Variants in KLHL29 observed in about 807,000 individuals in gnomAD.
KLHL29 encodes the protein kelch-like protein 29.
In KLHL29, 21 loss-of-function variants were observed where a neutral mutation model predicts 80.4. That is an observed-to-expected ratio of 0.26 (90% confidence interval 0.19 to 0.38). The LOEUF (loss-of-function observed/expected upper bound fraction) is 0.38. KLHL29 is among the 10% of genes least tolerant of loss of function. KLHL29 has a pLI of 1.00. For missense variants in KLHL29, 867 were observed against 1,223.9 expected, an observed-to-expected ratio of 0.71 and a Z score of 4.35; for synonymous variants, 511 against 526.8, an observed-to-expected ratio of 0.97 and a Z score of 0.41.
At chr2:23,533,466 G>A (rs1291977637) in intron 2 of KLHL29, among the ~76,000 whole-genome samples, 1 of 152,300 alleles carries the variant, frequency 6.6e-6, no homozygotes, top group African/African-American at 2.4e-5. Context: ...CAGAGAAAAC[G>A]TGAGCCTCTG....
chr2:23,587,076 A>G (rs543955780), intron 3 of KLHL29, among the ~76,000 whole-genome samples: 8 of 152,168 alleles, frequency 5.3e-5, no homozygotes, highest in Admixed American at 1.3e-4. Context: ...AGTAGGAAGA[A>G]CAGGCCTTTC....
intron 13 of KLHL29, 79 bp from the exon 14 acceptor site, chr2:23,706,402 G>C: frequency 8.5e-7 from 1 of 1,172,418 alleles, no homozygotes; most frequent in Non-Finnish European, 1.1e-6. Flanking sequence ...GCCTACAACA[G>C]GACACGACGT....
intron 3 of KLHL29, among the ~76,000 whole-genome samples, chr2:23,629,925 C>A (rs149596063): frequency 6.6e-6 from 1 of 152,064 alleles, no homozygotes; most frequent in Non-Finnish European, 1.5e-5. Flanking sequence ...AGAGGAGACA[C>A]CAGCGAACAG....
chr2:23,400,691 T>G (rs1666579688), intron 1 of KLHL29, among the ~76,000 whole-genome samples: 1 of 152,014 alleles, frequency 6.6e-6, no homozygotes, highest in African/African-American at 2.4e-5. Context: ...AAATGTTAAA[T>G]TAGCCAGATG....
chr2:23,390,229 C>G (rs1195367204), intron 1 of KLHL29, among the ~76,000 whole-genome samples: 6 of 152,188 alleles, frequency 3.9e-5, no homozygotes, highest in Non-Finnish European at 8.8e-5. Context: ...GGGAGCATTT[C>G]CACCTTTAGG....
intron 6 of KLHL29, among the ~76,000 whole-genome samples, chr2:23,685,780 C>T (rs1671228954): frequency 1.3e-5 from 2 of 152,204 alleles, no homozygotes; most frequent in African/African-American, 2.4e-5. Flanking sequence ...TGTCTAGTGG[C>T]CTCACCAGGC....
chr2:23,673,578 T>C (rs993647816), intron 5 of KLHL29, among the ~76,000 whole-genome samples: 40 of 150,826 alleles, frequency 2.7e-4, no homozygotes, highest in African/African-American at 9.5e-4. Flanking sequence ...CACACATACA[T>C]GGGCACATAC....
Position 23,589,978 on chromosome 2 carries a change from G to A in KLHL29, c.285+27497G>A, listed in dbSNP as rs1668215693. ...TGCAAAGGCATGCAGCTGGCATCCTGGGAGAGCCCAGCCAGCCCTTCCAAA... is the reference window on the plus strand; with the variant it reads ...TGCAAAGGCATGCAGCTGGCATCCTAGGAGAGCCCAGCCAGCCCTTCCAAA... On this transcript the variant is annotated intron_variant, in intron 3 of 13. Coordinates refer to ENST00000486442, the MANE Select transcript of KLHL29 (RefSeq NM_052920.2). 1.3e-5 allele frequency among the ~76,000 whole-genome samples: 2 copies of A among 152,236 alleles called. 1 individual carries two copies. Among genetic ancestry groups the A allele is most frequent in the South Asian group, 4.1e-4 (2 of 4,830 alleles).
intron 2 of KLHL29, among the ~76,000 whole-genome samples, chr2:23,487,334 G>A (rs1206249416): frequency 1.3e-5 from 2 of 152,192 alleles, no homozygotes; most frequent in Non-Finnish European, 2.9e-5. Context: ...GGACGCTGGA[G>A]AGAGGGGCAG....
intron 2 of KLHL29, among the ~76,000 whole-genome samples, chr2:23,543,500 A>G (rs1572390378): frequency 6.6e-6 from 1 of 152,136 alleles, no homozygotes; most frequent in South Asian, 2.1e-4. Flanking sequence ...TATTCCCTTG[A>G]GGTTTATGCA....
intron 1 of KLHL29, among the ~76,000 whole-genome samples, chr2:23,452,636 C>A (rs1558343475): frequency 6.6e-6 from 1 of 152,156 alleles, no homozygotes. Context: ...ATAATCACAG[C>A]CCTCGTTGAG....
chr2:23,578,966 C>T (rs1177180120), intron 3 of KLHL29, among the ~76,000 whole-genome samples: 1 of 152,206 alleles, frequency 6.6e-6, no homozygotes, highest in East Asian at 1.9e-4. Context: ...CTTGCTGTGC[C>T]TCCATGAAAT....
chr2:23,618,871 A>C (rs988070179), intron 3 of KLHL29, among the ~76,000 whole-genome samples: 1 of 152,136 alleles, frequency 6.6e-6, no homozygotes, highest in African/African-American at 2.4e-5. Context: ...CTGAATCCCA[A>C]AGTATTTGGA....
chr2:23,597,008 T>C (rs951494611), intron 3 of KLHL29, among the ~76,000 whole-genome samples: 2 of 152,130 alleles, frequency 1.3e-5, no homozygotes, highest in East Asian at 1.9e-4. Context: ...CAAAATACTT[T>C]TCAGAGCTGG....
At chr2:23,706,410 C>A in intron 13 of KLHL29, 71 bp from the exon 14 acceptor site, 1 of 1,235,976 alleles carries the variant, frequency 8.1e-7, no homozygotes, top group Non-Finnish European at 1.1e-6. Context: ...CAGGACACGA[C>A]GTTGAGAACC....
At chr2:23,423,097 C>T (rs1662872487) in intron 1 of KLHL29, among the ~76,000 whole-genome samples, 1 of 152,268 alleles carries the variant, frequency 6.6e-6, no homozygotes. Flanking sequence ...AGCCGCAGGC[C>T]TCAGCGTGGA....
At chr2:23,481,601 G>C (rs1664799401) in intron 2 of KLHL29, among the ~76,000 whole-genome samples, 1 of 152,192 alleles carries the variant, frequency 6.6e-6, no homozygotes, top group Admixed American at 6.5e-5. Flanking sequence ...TCTGCCAAGA[G>C]CCCTCCAAGA....
intron 5 of KLHL29, among the ~76,000 whole-genome samples, chr2:23,646,117 G>GA (rs1669922782): frequency 6.6e-6 from 1 of 151,898 alleles, no homozygotes; most frequent in African/African-American, 2.4e-5. Flanking sequence ...GATAAGGGAG[G>GA]AAAAAAGAAT....
intron 5 of KLHL29, among the ~76,000 whole-genome samples, chr2:23,649,893 T>C (rs984705154): frequency 6.6e-6 from 1 of 152,110 alleles, no homozygotes; most frequent in African/African-American, 2.4e-5. Flanking sequence ...ACCCGTGAGG[T>C]TCCAGGTCAG....
Sources: gnomAD v4.1 joint callset for allele counts (sites outside exome capture counted in the v4.1 genomes callset) on GRCh38, gnomAD v4.1.1 for gene constraint, MANE v1.5 for transcripts, NCBI Gene and HGNC (gene_info 2026-07-23, HGNC 2026-07-21) for gene names.